Variants in MEIS1 observed in about 807,000 individuals in gnomAD.
MEIS1 encodes the protein homeobox protein Meis1.
MEIS1 carries 5 observed loss-of-function variants against 50.8 expected under a neutral mutation model. The observed-to-expected ratio is 0.10, with a 90% CI of 0.05 to 0.21. MEIS1 has a LOEUF of 0.21. Ranked by LOEUF, MEIS1 falls within the 10% of genes least tolerant of loss-of-function variation. The probability of loss-of-function intolerance (pLI) is 1.00; values close to 1 mark genes in which losing one functional copy is unlikely to be tolerated. For synonymous variants in MEIS1, 176 were observed against 179.3 expected (o/e 0.98, Z 0.15); for missense variants, 318 against 517.3 (o/e 0.61, Z 3.74).
At chr2:66,439,333 C>G in intron 2 of MEIS1, 1 of 1,176,116 alleles carries the variant, frequency 8.5e-7, no homozygotes, top group Non-Finnish European at 1.0e-6. Flanking sequence ...TGACAGTCGG[C>G]CCCACGGCCA....
intron 7 of MEIS1, among the ~76,000 whole-genome samples, chr2:66,487,066 C>T (rs1171712467): frequency 6.6e-6 from 1 of 152,130 alleles, no homozygotes; most frequent in African/African-American, 2.4e-5. Flanking sequence ...TTCCTCTGTT[C>T]CTATTTGAAT....
intron 7 of MEIS1, among the ~76,000 whole-genome samples, chr2:66,487,484 C>T (rs1388263857): frequency 6.6e-6 from 1 of 152,190 alleles, no homozygotes; most frequent in Non-Finnish European, 1.5e-5. Context: ...CCCCATCAAA[C>T]TGTTTAACCA....
chr2:66,437,776 G>A lies in MEIS1; in HGVS notation c.52G>A (p.Gly18Ser), dbSNP rs1671838600. 2 of 1,613,774 alleles carry A rather than the reference G, an allele frequency of 1.2e-6. No individual in the cohort carries two copies. Among genetic ancestry groups the A allele is most frequent in the African/African-American group, 2.7e-5 (2 of 74,882 alleles). Residue 18 changes from glycine to serine, a missense_variant, in exon 2 of 13, where the codon GGC becomes AGC. Coordinates refer to ENST00000272369, the MANE Select transcript of MEIS1 (RefSeq NM_002398.3). ...CCATTACGGGGGCATGGATGGAGTA[G>A]GCATCCCCTCCACGATGTATGGGGA... ...LPHYGGMDGVGIPSTMYGDPH... is the reference protein window; with the variant it reads ...LPHYGGMDGVSIPSTMYGDPH...
chr2:66,556,618 A>G (rs1451950113), intron 9 of MEIS1, among the ~76,000 whole-genome samples: 5 of 152,172 alleles, frequency 3.3e-5, no homozygotes, highest in African/African-American at 1.2e-4. Context: ...AACTAAATCA[A>G]ATGCAAACCA....
At chr2:66,472,124 C>G (rs1672775903) in intron 7 of MEIS1, among the ~76,000 whole-genome samples, 2 of 152,204 alleles carry the variant, frequency 1.3e-5, no homozygotes, top group Non-Finnish European at 2.9e-5. Flanking sequence ...CAGGCCAGAT[C>G]TCCCAGGCAT....
At chr2:66,498,554 C>T (rs1673467043) in intron 7 of MEIS1, among the ~76,000 whole-genome samples, 3 of 152,126 alleles carry the variant, frequency 2.0e-5, no homozygotes, top group Non-Finnish European at 2.9e-5. Context: ...TGGGATTCAT[C>T]CTGGCTTGTT....
At chr2:66,533,066 A>G (rs1674432610) in intron 8 of MEIS1, among the ~76,000 whole-genome samples, 1 of 152,218 alleles carries the variant, frequency 6.6e-6, no homozygotes, top group African/African-American at 2.4e-5. Context: ...TTTTAATTAC[A>G]GCAGCATTTG....
intron 7 of MEIS1, among the ~76,000 whole-genome samples, chr2:66,489,589 GGCCCGA>G (rs1673225928): frequency 6.6e-6 from 1 of 152,156 alleles, no homozygotes; most frequent in Admixed American, 6.5e-5. Context: ...ATATCACCCT[GGCCCGA>G]GTCAAGTGCA....
chr2:66,483,480 C>T (rs1336853106), intron 7 of MEIS1, among the ~76,000 whole-genome samples: 1 of 152,120 alleles, frequency 6.6e-6, no homozygotes, highest in African/African-American at 2.4e-5. Flanking sequence ...TTTGGCTGCC[C>T]TTTTGTGTCA....
chr2:66,456,086 C>T (rs1672380302), intron 6 of MEIS1, among the ~76,000 whole-genome samples: 1 of 152,164 alleles, frequency 6.6e-6, no homozygotes, highest in African/African-American at 2.4e-5. Context: ...TGCCTCATTA[C>T]ACAGAGATAG....
chr2:66,458,420 C>A (rs903336242), intron 6 of MEIS1, among the ~76,000 whole-genome samples: 1 of 152,106 alleles, frequency 6.6e-6, no homozygotes, highest in Non-Finnish European at 1.5e-5. Context: ...GTGCACGAAG[C>A]CAGCTCAGGT....
intron 9 of MEIS1, chr2:66,561,959 A>G (rs1306853833): frequency 6.8e-6 from 1 of 147,818 alleles, no homozygotes; most frequent in South Asian, 2.2e-4. Context: ...ATTATCAGGG[A>G]GTAAGTAGAG....
In MEIS1 at chr2:66,435,776, G is replaced by A. The variant is rs1278087403; in HGVS notation, c.-81G>A. On this transcript the variant is annotated 5_prime_UTR_variant, in exon 1 of 13. Coordinates refer to ENST00000272369, the MANE Select transcript of MEIS1 (RefSeq NM_002398.3). Reference sequence around the variant, plus strand: ...TTTTTTTTTTTTTTTTTCCGGGGGAGTTTGAATATTTGTTTCTTTTCACAC... The same window carrying A: ...TTTTTTTTTTTTTTTTTCCGGGGGAATTTGAATATTTGTTTCTTTTCACAC... 1.8e-6 allele frequency: 1 copy of A among 541,762 alleles called. No homozygotes were observed. The highest frequency in any genetic ancestry group is 3.0e-6 in the Non-Finnish European group (1 of 338,178). 33.6% of individuals were successfully genotyped at this position (541,762 alleles called of 1,614,324 possible).
intron 7 of MEIS1, among the ~76,000 whole-genome samples, chr2:66,499,487 C>A (rs1284258815): frequency 6.6e-6 from 1 of 151,910 alleles, no homozygotes; most frequent in Non-Finnish European, 1.5e-5. Context: ...TGCACTTTAC[C>A]TTCCCCCACA....
chr2:66,502,260 C>T (rs1673576096), intron 7 of MEIS1, among the ~76,000 whole-genome samples: 1 of 151,950 alleles, frequency 6.6e-6, no homozygotes, highest in Non-Finnish European at 1.5e-5. Context: ...GGGTAAATGG[C>T]AGGGATTGTG....
rs199565388 is a variant in MEIS1, at chr2:66,505,911, G to GT, written c.743-6232dup. Among the ~76,000 whole-genome samples, 1,197 of 152,180 alleles carry GT rather than the reference G, an allele frequency of 7.9e-3. 2 individuals are homozygous for GT. The highest frequency in any genetic ancestry group is 0.012 in the Non-Finnish European group (819 of 67,992). On this transcript the variant is annotated intron_variant, in intron 7 of 12. Coordinates refer to ENST00000272369, the MANE Select transcript of MEIS1 (RefSeq NM_002398.3). ...TGTATTTCTTCCATGTTTTCTTATA[G>GT]TTTTTTATTGATTTTCATTGGTGAA...
At chr2:66,552,354 G>C (rs1674942370) in intron 9 of MEIS1, among the ~76,000 whole-genome samples, 1 of 152,110 alleles carries the variant, frequency 6.6e-6, no homozygotes, top group African/African-American at 2.4e-5. Flanking sequence ...GATATTAAAT[G>C]ATTATCCCTT....
intron 7 of MEIS1, among the ~76,000 whole-genome samples, chr2:66,506,179 A>G (rs1309679180): frequency 6.6e-6 from 1 of 152,194 alleles, no homozygotes; most frequent in African/African-American, 2.4e-5. Flanking sequence ...GGAAATAAAC[A>G]GTTTTAGCAG....
chr2:66,461,527 A>T (rs1352349499), intron 6 of MEIS1, among the ~76,000 whole-genome samples: 3 of 152,244 alleles, frequency 2.0e-5, no homozygotes, highest in Non-Finnish European at 4.4e-5. Flanking sequence ...CACAAAAGTT[A>T]GATTTCACTT....
Sources: allele counts gnomAD v4.1 joint callset (sites outside exome capture counted in the v4.1 genomes callset), GRCh38; gene constraint gnomAD v4.1.1; transcripts MANE v1.5; gene names NCBI Gene and HGNC (gene_info 2026-07-23, HGNC 2026-07-21).